Variants in SLC31A1 observed in about 807,000 individuals in gnomAD.
SLC31A1 encodes solute carrier family 31 member 1.
In SLC31A1, 5 loss-of-function variants were observed where a neutral mutation model predicts 17.2. That is an observed-to-expected ratio of 0.29 (90% CI 0.15 to 0.61). SLC31A1 has a LOEUF of 0.61. Ranked by LOEUF, SLC31A1 falls within the 20% of genes least tolerant of loss-of-function variation. The pLI is 0.86. For synonymous variants in SLC31A1, 76 were observed against 78.8 expected, an observed-to-expected ratio of 0.96 and a Z score of 0.19; for missense variants, 161 against 241.4, an observed-to-expected ratio of 0.67 and a Z score of 2.21.
intron 1 of SLC31A1, among the ~76,000 whole-genome samples, chr9:113,233,051 C>G (rs569767481): frequency 6.6e-6 from 1 of 152,286 alleles, no homozygotes; most frequent in African/African-American, 2.4e-5. Flanking sequence ...GAGGTAGTTG[C>G]TATAAACATC....
intron 1 of SLC31A1, among the ~76,000 whole-genome samples, chr9:113,228,736 A>G (rs1831369201): frequency 6.6e-6 from 1 of 152,242 alleles, no homozygotes; most frequent in African/African-American, 2.4e-5. Flanking sequence ...GGAGCCTTCT[A>G]TCAGAAGCAG....
intron 1 of SLC31A1, among the ~76,000 whole-genome samples, chr9:113,254,223 G>A (rs1382325481): frequency 3.3e-5 from 5 of 151,990 alleles, no homozygotes; most frequent in African/African-American, 9.7e-5. Flanking sequence ...CAAAGTGCTG[G>A]GATAACAGGC....
rs534556528 is a variant in SLC31A1, at chr9:113,259,534, C to T, written c.371+672C>T. Among the ~76,000 whole-genome samples the T allele has an allele frequency of 2.6e-5, 4 of 151,060 alleles. No individual in the cohort carries two copies. The South Asian group carries it at 8.4e-4, about 32-fold the overall frequency. ...CTCCTTATCCCTAATTAAGTAATTT[C>T]TTCTATACTACCCAACCCTCAATTC... On this transcript the variant is annotated intron_variant, in intron 4 of 4. Coordinates refer to ENST00000374212, the MANE Select transcript of SLC31A1 (RefSeq NM_001859.4).
At chr9:113,242,124 G>C (rs796198771) in intron 1 of SLC31A1, among the ~76,000 whole-genome samples, 57 of 152,264 alleles carry the variant, frequency 3.7e-4, no homozygotes, top group African/African-American at 1.3e-3. Flanking sequence ...GGGAGGCGGA[G>C]CTTGCGGTGA....
chr9:113,237,244 T>C (rs1831469955), intron 1 of SLC31A1, among the ~76,000 whole-genome samples: 1 of 152,176 alleles, frequency 6.6e-6, no homozygotes, highest in Non-Finnish European at 1.5e-5. Flanking sequence ...GCCAGAAGCA[T>C]GGCATAAAGC....
In SLC31A1 at chr9:113,258,480, A is replaced by G. The variant is rs1831752777; in HGVS notation, c.203-214A>G. On this transcript the variant is annotated intron_variant, in intron 3 of 4. Transcript: ENST00000374212. This position sits in a 1 kb window ranked among gnomAD's most constrained non-coding sequence, Gnocchi z 4.8. ...TTGTTCTGATTATTTTTCTTATCTT[A>G]ATCAGAAAGTAAATATGTTCTTGGC... Among the ~76,000 whole-genome samples the G allele has an allele frequency of 1.3e-5, 2 of 152,196 alleles. No homozygotes were observed. The highest frequency in any genetic ancestry group is 2.9e-5 in the Non-Finnish European group (2 of 68,034).
At position 113,263,299 on chromosome 9, in the gene SLC31A1, A is replaced by G. The variant is rs1272823934; in HGVS notation, c.*2826A>G. The stretch of plus-strand genomic sequence containing the variant: ...AAAAACCTGAATTTCAGAGATTCTT[A>G]GACTGGCTGCCAAAGGATGAAGCTA... On this transcript the variant is annotated 3_prime_UTR_variant, in exon 5 of 5. Coordinates refer to ENST00000374212, the MANE Select transcript of SLC31A1 (RefSeq NM_001859.4). 1.3e-5 allele frequency: 2 copies of G among 152,238 alleles called. No individual in the cohort carries two copies. Among genetic ancestry groups the G allele is most frequent in the Non-Finnish European group, 2.9e-5 (2 of 68,038 alleles). 9.4% of individuals were successfully genotyped at this position (152,238 alleles called of 1,614,324 possible). A position where few individuals can be genotyped will look rare whatever the true frequency, so the allele number is the denominator to read the frequency against.
chr9:113,256,494 G>A, intron 2 of SLC31A1: 1 of 490,778 alleles, frequency 2.0e-6, no homozygotes, highest in Non-Finnish European at 3.6e-6. Flanking sequence ...TTCTTTCTTT[G>A]GTGGTCCCTT....
At chr9:113,244,875 G>C (rs920977423) in intron 1 of SLC31A1, among the ~76,000 whole-genome samples, 2 of 152,176 alleles carry the variant, frequency 1.3e-5, no homozygotes, top group Non-Finnish European at 2.9e-5. Context: ...GACTTAATCT[G>C]GGGAGAACAA....
intron 1 of SLC31A1, among the ~76,000 whole-genome samples, chr9:113,235,658 C>G (rs1831449790): frequency 6.6e-6 from 1 of 152,122 alleles, no homozygotes; most frequent in African/African-American, 2.4e-5. Flanking sequence ...GAGGAGGAAG[C>G]ATGACTGGGA....
chr9:113,251,805 A>C (rs930026166), intron 1 of SLC31A1, among the ~76,000 whole-genome samples: 1 of 152,182 alleles, frequency 6.6e-6, no homozygotes, highest in East Asian at 1.9e-4. Context: ...ATCTTTTCCT[A>C]AAATAAAGCT....
intron 1 of SLC31A1, among the ~76,000 whole-genome samples, chr9:113,233,592 G>A (rs918931606): frequency 6.6e-5 from 10 of 152,238 alleles, no homozygotes; most frequent in East Asian, 5.8e-4. Context: ...TACACAGTGC[G>A]TTAGAAAACC....
chr9:113,237,269 C>G (rs1311254485), intron 1 of SLC31A1, among the ~76,000 whole-genome samples: 1 of 152,210 alleles, frequency 6.6e-6, no homozygotes, highest in Non-Finnish European at 1.5e-5. Context: ...CAGGACACAA[C>G]TGCTCTGGAG....
Position 113,259,392 on chromosome 9 carries a change from C to A in SLC31A1, c.371+530C>A, listed in dbSNP as rs566009191. ...AAACCAAATTGGACCTTAAGAAATCCTATAGACTGATATCCTGCTTTCAAA... is the reference window on the plus strand; with the variant it reads ...AAACCAAATTGGACCTTAAGAAATCATATAGACTGATATCCTGCTTTCAAA... On this transcript the variant is annotated intron_variant, in intron 4 of 4. Transcript: ENST00000374212. Among the ~76,000 whole-genome samples, 18 of 152,054 alleles carry A rather than the reference C, an allele frequency of 1.2e-4. 1 individual carries two copies. Among genetic ancestry groups the A allele is most frequent in the Admixed American group, 8.5e-4 (13 of 15,240 alleles).
chr9:113,243,003 C>A (rs1288193766), intron 1 of SLC31A1, among the ~76,000 whole-genome samples: 1 of 151,530 alleles, frequency 6.6e-6, no homozygotes, highest in Admixed American at 6.6e-5. Flanking sequence ...ATGTTCAGAT[C>A]TCCCAAGAGC....
chr9:113,222,301 G>C (rs532025327), intron 1 of SLC31A1, among the ~76,000 whole-genome samples: 1 of 152,248 alleles, frequency 6.6e-6, no homozygotes, highest in African/African-American at 2.4e-5. Flanking sequence ...GGATACTTTG[G>C]AGGCAGACAC....
chr9:113,221,951 A>C (rs1353123103), intron 1 of SLC31A1, among the ~76,000 whole-genome samples: 1 of 152,228 alleles, frequency 6.6e-6, no homozygotes, highest in Non-Finnish European at 1.5e-5. Flanking sequence ...AGAAGATTTT[A>C]GAGCTCAGAG....
At chr9:113,224,160 C>T (rs993767273) in intron 1 of SLC31A1, among the ~76,000 whole-genome samples, 3 of 152,156 alleles carry the variant, frequency 2.0e-5, no homozygotes, top group Non-Finnish European at 4.4e-5. Context: ...CTCCTCTTAC[C>T]CTCCAAGGCA....
chr9:113,264,373 A>G lies in SLC31A1; in HGVS notation c.*3900A>G, dbSNP rs978907355. The G allele has an allele frequency of 2.0e-4, 30 of 152,642 alleles. No homozygotes were observed. Among genetic ancestry groups the G allele is most frequent in the Non-Finnish European group, 2.9e-5 (2 of 68,052 alleles). 9.5% of individuals were successfully genotyped at this position (152,642 alleles called of 1,614,324 possible). The stretch of plus-strand genomic sequence containing the variant: ...ATATAATGCCTTAATTACTGGGTCT[A>G]CAATTAATGTTGACTGTTTTAGATT... On this transcript the variant is annotated 3_prime_UTR_variant, in exon 5 of 5. Transcript: ENST00000374212.
Sources: allele counts gnomAD v4.1 joint callset (sites outside exome capture counted in the v4.1 genomes callset), GRCh38; gene constraint gnomAD v4.1.1; non-coding constraint Gnocchi (gnomAD v3.1); transcripts MANE v1.5; gene names NCBI Gene and HGNC (gene_info 2026-07-23, HGNC 2026-07-21).